Variants in CPNE3 observed in about 807,000 individuals in gnomAD.
CPNE3 encodes the protein copine-3.
Under a neutral mutation model 63.9 loss-of-function variants are expected in CPNE3, and 68 were observed. The observed-to-expected ratio is 1.06, with a 90% CI of 0.87 to 1.30. The LOEUF (loss-of-function observed/expected upper bound fraction) is 1.30. CPNE3 is among the 50% of genes most tolerant of loss of function. The pLI is 0.00. For missense variants in CPNE3, 665 were observed against 578.1 expected (o/e 1.15, Z -1.54); for synonymous variants, 219 against 197.5 (o/e 1.11, Z -0.91).
chr8:86,527,099 TA>T (rs1250741849), intron 2 of CPNE3, among the ~76,000 whole-genome samples: 3 of 152,180 alleles, frequency 2.0e-5, no homozygotes, highest in Non-Finnish European at 4.4e-5. Context: ...TATAACAAGA[TA>T]ATGAGTGGAT....
rs1585931474 is a variant in CPNE3 at position 86,559,012 on chromosome 8, G to T, written c.*602G>T. ...GGACTTTATGAAAAGTACTGAATGA[G>T]CAGGAAAAGGCACATACTCAGTTTT... is the stretch of plus-strand genomic sequence containing the variant. On this transcript the variant is annotated 3_prime_UTR_variant, in exon 17 of 17. Coordinates refer to ENST00000517490, the MANE Select transcript of CPNE3 (RefSeq NM_003909.5). The T allele has an allele frequency of 1.3e-5, 2 of 152,182 alleles. No homozygotes were observed. The highest frequency in any genetic ancestry group is 4.8e-5 in the African/African-American group (2 of 41,440). The allele number at this position is 152,182 out of a possible 1,614,324, so 9.4% of individuals were successfully genotyped here.
At chr8:86,527,975 CAG>C (rs992478922) in intron 2 of CPNE3, among the ~76,000 whole-genome samples, 3 of 31,914 alleles carry the variant, frequency 9.4e-5, no homozygotes, top group African/African-American at 4.8e-4. Flanking sequence ...TTTTTTTAGA[CAG>C]AGTCTCTATT....
At position 86,536,016 on chromosome 8, in the gene CPNE3, T is replaced by G. The variant is rs908573960; in HGVS notation, c.460-1547T>G. ...TTTAAAAAACCATTTTGATTTAATT[T>G]TGTTTTATAATCACGTAAAAAATTT... On this transcript the variant is annotated intron_variant, in intron 6 of 16. Coordinates refer to ENST00000517490, the MANE Select transcript of CPNE3 (RefSeq NM_003909.5). 7.6e-4 allele frequency among the ~76,000 whole-genome samples: 116 copies of G among 152,212 alleles called. 1 individual carries two copies. Among genetic ancestry groups the G allele is most frequent in the Admixed American group, 2.3e-3 (35 of 15,278 alleles).
In CPNE3 at chr8:86,556,022, G is replaced by T. The variant is rs1480936604; in HGVS notation, c.1255-80G>T. 1.2e-5 allele frequency: 9 copies of T among 776,260 alleles called. No homozygotes were observed. In the African/African-American group the frequency reaches 1.4e-4, roughly 12 times the overall value. The allele number at this position is 776,260 out of a possible 1,614,324, so 48.1% of individuals were successfully genotyped here. On this transcript the variant is annotated intron_variant, in intron 15 of 16. Transcript: ENST00000517490. ...ACTGGCAAGGAAAATGAACAAGAAA[G>T]ACTGGATGACTCATCAAGCCAGAGA...
chr8:86,533,515 ACT>A (rs1035808275), intron 6 of CPNE3, among the ~76,000 whole-genome samples: 2 of 152,000 alleles, frequency 1.3e-5, no homozygotes, highest in Non-Finnish European at 2.9e-5. Flanking sequence ...ATGGAACAAG[ACT>A]CTGTCTCAAG....
chr8:86,558,053 A>T (rs1010536562), intron 16 of CPNE3, among the ~76,000 whole-genome samples: 1 of 152,224 alleles, frequency 6.6e-6, no homozygotes, highest in African/African-American at 2.4e-5. Flanking sequence ...AAATGTTAGA[A>T]TGCTGGCACC....
At chr8:86,537,039 G>C (rs564739041) in intron 6 of CPNE3, among the ~76,000 whole-genome samples, 6 of 152,280 alleles carry the variant, frequency 3.9e-5, no homozygotes, top group Admixed American at 2.6e-4. Context: ...GAAATGTGTG[G>C]TTTTGATGAA....
At chr8:86,535,582 T>C (rs1820785743) in intron 6 of CPNE3, among the ~76,000 whole-genome samples, 1 of 151,938 alleles carries the variant, frequency 6.6e-6, no homozygotes, top group South Asian at 2.1e-4. Context: ...GCATGAGAAT[T>C]GCTTGAACCC....
intron 2 of CPNE3, among the ~76,000 whole-genome samples, chr8:86,518,139 G>T (rs2131416613): frequency 6.6e-6 from 1 of 152,266 alleles, no homozygotes; most frequent in East Asian, 1.9e-4. Context: ...GGAGCACACG[G>T]TGATGAATTG....
chr8:86,549,330 A>G (rs1220280715), intron 12 of CPNE3, among the ~76,000 whole-genome samples: 1 of 152,218 alleles, frequency 6.6e-6, no homozygotes. Flanking sequence ...ATTAGACAGT[A>G]GTGAGAGCTT....
chr8:86,557,277 G>A (rs1821345392), intron 16 of CPNE3, among the ~76,000 whole-genome samples: 1 of 152,086 alleles, frequency 6.6e-6, no homozygotes, highest in African/African-American at 2.4e-5. Context: ...GGGATTACAG[G>A]TGTGCACCAC....
chr8:86,558,932 G>GAA lies in CPNE3; in HGVS notation c.*523_*524insAA, dbSNP rs1821380077. 1 of 153,796 alleles carries GAA rather than the reference G, an allele frequency of 6.5e-6. No homozygotes were observed. The highest frequency in any genetic ancestry group is 1.4e-5 in the Non-Finnish European group (1 of 68,986). 9.5% of individuals were successfully genotyped at this position (153,796 alleles called of 1,614,324 possible). A position where few individuals can be genotyped will look rare whatever the true frequency, so the allele number is the denominator to read the frequency against. On this transcript the variant is annotated 3_prime_UTR_variant, in exon 17 of 17. Coordinates refer to ENST00000517490, the MANE Select transcript of CPNE3 (RefSeq NM_003909.5). Reference sequence around the variant, plus strand: ...GTAAAAATAACCTGTCTATGCATCTGATTTTTGCTACAGTTTAGACACTGT... The same window carrying GAA: ...GTAAAAATAACCTGTCTATGCATCTGAAATTTTTGCTACAGTTTAGACACTGT...
At chr8:86,555,759 T>G (rs1472416323) in intron 15 of CPNE3, among the ~76,000 whole-genome samples, 1 of 152,234 alleles carries the variant, frequency 6.6e-6, no homozygotes, top group Non-Finnish European at 1.5e-5. Flanking sequence ...GAGAATGAAG[T>G]TTCCACTTGC....
intron 5 of CPNE3, among the ~76,000 whole-genome samples, chr8:86,532,082 A>G (rs760866817): frequency 1.3e-5 from 2 of 152,190 alleles, no homozygotes; most frequent in Non-Finnish European, 2.9e-5. Flanking sequence ...TATTTTTAAG[A>G]AGAATGAGTT....
chr8:86,547,673 T>C, intron 10 of CPNE3, 38 bp from the exon 11 acceptor site: 1 of 867,362 alleles, frequency 1.2e-6, no homozygotes, highest in Non-Finnish European at 1.9e-6. Context: ...TCTTGTATAG[T>C]AGGAGAGTTG....
rs1820611640 is a variant in CPNE3, at chr8:86,529,093, T to A, written c.281T>A (p.Phe94Tyr). The change falls in exon 4 of 17, where the codon TTC becomes TAC. Residue 94 changes from phenylalanine to tyrosine, a missense_variant. Physicochemically the swap from Phe to Tyr is conservative, Grantham distance 22. Transcript: ENST00000517490. The stretch of plus-strand genomic sequence containing the variant: ...ACTATTGAGCTGAGTGATGATGACT[T>A]CTTAGGGGAATGTGAATGTACCCTT... ...NKTIELSDDD[F>Y]LGECECTLGQ... The A allele has an allele frequency of 6.2e-7, 1 of 1,613,826 alleles. No homozygotes were observed. The highest frequency in any genetic ancestry group is 8.5e-7 in the Non-Finnish European group (1 of 1,179,916).
intron 7 of CPNE3, among the ~76,000 whole-genome samples, chr8:86,538,991 T>A (rs966081962): frequency 2.0e-5 from 3 of 152,370 alleles, no homozygotes; most frequent in Admixed American, 6.5e-5. Flanking sequence ...CCTTGCCTAA[T>A]CAATTATTGT....
At chr8:86,527,594 G>A (rs942346798) in intron 2 of CPNE3, among the ~76,000 whole-genome samples, 9 of 152,294 alleles carry the variant, frequency 5.9e-5, no homozygotes, top group African/African-American at 2.2e-4. Context: ...AGGAACTGAT[G>A]TCAGGGTTGT....
At chr8:86,532,198 G>T (rs1295763423) in intron 5 of CPNE3, among the ~76,000 whole-genome samples, 1 of 152,166 alleles carries the variant, frequency 6.6e-6, no homozygotes, top group Admixed American at 6.5e-5. Context: ...CTTCAGTATT[G>T]TGTAGAGGGT....
Sources: allele counts gnomAD v4.1 joint callset (sites outside exome capture counted in the v4.1 genomes callset), GRCh38; gene constraint gnomAD v4.1.1; transcripts MANE v1.5; gene names NCBI Gene and HGNC (gene_info 2026-07-23, HGNC 2026-07-21).